MDGA2: variants seen among roughly 807,000 people sequenced by gnomAD.
MDGA2 encodes the protein MAM domain containing glycosylphosphatidylinositol anchor 2, also known as MAM domain-containing glycosylphosphatidylinositol anchor protein 2.
In MDGA2, 40 loss-of-function variants were observed where a neutral mutation model predicts 117.8. The ratio of observed to expected loss-of-function variants is 0.34; its 90% confidence interval spans 0.26 to 0.44. The LOEUF is 0.44. MDGA2 is among the 20% of genes least tolerant of loss of function. The probability of loss-of-function intolerance (pLI) is 1.00; values close to 1 mark genes in which losing one functional copy is unlikely to be tolerated. For missense variants in MDGA2, 1,123 were observed against 1,250.6 expected (o/e 0.90, Z 1.54); for synonymous variants, 452 against 439.0 (o/e 1.03, Z -0.37).
chr14:47,198,903 C>T (rs80332456), intron 3 of MDGA2, among the ~76,000 whole-genome samples: 8,948 of 152,006 alleles, frequency 0.059, 362 homozygotes, highest in Middle Eastern at 0.089. Context: ...AATCAATAAA[C>T]GCTGAATAAA....
intron 1 of MDGA2, among the ~76,000 whole-genome samples, chr14:47,352,257 AC>A (rs1247018968): frequency 2.0e-5 from 3 of 152,122 alleles, no homozygotes; most frequent in Admixed American, 2.0e-4. Context: ...CTCATCGGTT[AC>A]CTATCTCAGC....
At chr14:47,375,635 C>T (rs778287166) in intron 1 of MDGA2, among the ~76,000 whole-genome samples, 2 of 152,024 alleles carry the variant, frequency 1.3e-5, no homozygotes, top group Non-Finnish European at 2.9e-5. Flanking sequence ...ACATCTTACT[C>T]GTCCAATCCT....
rs189317624 is a variant in MDGA2, at chr14:46,868,802, T to A, written c.2752+4631A>T. Among the ~76,000 whole-genome samples the A allele has an allele frequency of 3.5e-3, 533 of 152,078 alleles. 5 individuals carry two copies. Among genetic ancestry groups the A allele is most frequent in the African/African-American group, 0.012 (509 of 41,516 alleles). On this transcript the variant is annotated intron_variant, in intron 14 of 16. Transcript: ENST00000399232. Reference sequence around the variant, plus strand: ...CATTTACCACTCTCCTAAAGCTATCTCCTCTTTGAACATGTACCTCTGTAT... The same window carrying A: ...CATTTACCACTCTCCTAAAGCTATCACCTCTTTGAACATGTACCTCTGTAT...
chr14:47,670,662 G>A (rs1024472551), intron 1 of MDGA2, among the ~76,000 whole-genome samples: 10 of 152,052 alleles, frequency 6.6e-5, no homozygotes, highest in African/African-American at 2.2e-4. Flanking sequence ...AAGCTACATC[G>A]ATTAGTTATC....
At chr14:47,462,218 T>C (rs1421235115) in intron 1 of MDGA2, among the ~76,000 whole-genome samples, 2 of 151,344 alleles carry the variant, frequency 1.3e-5, no homozygotes, top group South Asian at 2.1e-4. Context: ...CTACTAAAAA[T>C]ACAAAAAATT....
intron 9 of MDGA2, among the ~76,000 whole-genome samples, chr14:46,946,585 G>C (rs1885178804): frequency 6.6e-6 from 1 of 151,994 alleles, no homozygotes; most frequent in African/African-American, 2.4e-5. Flanking sequence ...ACTGATGTTT[G>C]CTCCTATGGA....
At chr14:47,539,774 T>A (rs1895298934) in intron 1 of MDGA2, among the ~76,000 whole-genome samples, 1 of 152,208 alleles carries the variant, frequency 6.6e-6, no homozygotes, top group African/African-American at 2.4e-5. Context: ...GCCTAATATT[T>A]ACAGTTATAT....
rs139867820 is a variant in MDGA2, at chr14:46,946,441, A to C, written c.2089+10933T>G. Among the ~76,000 whole-genome samples, 1,064 of 152,182 alleles carry C rather than the reference A, an allele frequency of 7.0e-3. 11 individuals carry two copies. The highest frequency in any genetic ancestry group is 0.024 in the African/African-American group (1,000 of 41,528). On this transcript the variant is annotated intron_variant, in intron 9 of 16. Coordinates refer to ENST00000399232, the MANE Select transcript of MDGA2 (RefSeq NM_001113498.3). ...AGGTTTCTGTACTTTGAAATGAATG[A>C]ATGCATTTGCTTGTGAACTGATATT...
At chr14:47,646,034 C>T (rs1158883110) in intron 1 of MDGA2, among the ~76,000 whole-genome samples, 3 of 147,554 alleles carry the variant, frequency 2.0e-5, no homozygotes, top group Non-Finnish European at 4.4e-5. Flanking sequence ...GAGCTGAGAT[C>T]CCGCCACTGC....
At chr14:47,603,490 C>A (rs1351249915) in intron 1 of MDGA2, among the ~76,000 whole-genome samples, 2 of 152,126 alleles carry the variant, frequency 1.3e-5, no homozygotes, top group East Asian at 3.9e-4. Flanking sequence ...CCCGGTCATT[C>A]CACCGAACTA....
intron 8 of MDGA2, among the ~76,000 whole-genome samples, chr14:46,995,820 G>A (rs928363654): frequency 3.8e-4 from 57 of 151,062 alleles, no homozygotes; most frequent in Non-Finnish European, 5.6e-4. Flanking sequence ...TTTCTTATTC[G>A]TCTAACAGGA....
At chr14:47,587,790 A>G (rs1014272598) in intron 1 of MDGA2, among the ~76,000 whole-genome samples, 7 of 151,940 alleles carry the variant, frequency 4.6e-5, no homozygotes, top group African/African-American at 1.7e-4. Flanking sequence ...ATATTCGCAG[A>G]ATTCTGCATC....
chr14:47,634,401 TATTA>T (rs1179725099), intron 1 of MDGA2, among the ~76,000 whole-genome samples: 1 of 152,074 alleles, frequency 6.6e-6, no homozygotes, highest in Non-Finnish European at 1.5e-5. Context: ...ACAAATAATT[TATTA>T]GTTGTATAAC....
rs756059967 is a variant in MDGA2, at chr14:46,957,641, G to A, written c.1822C>T (p.Pro608Ser). Residue 608 changes from proline to serine, a missense_variant and splice_region_variant, in exon 9 of 17, where the codon CCC (proline) becomes TCC (serine). Pro to Ser is a moderately conservative substitution (Grantham distance 74). Around this residue, in one of 2 missense-constraint regions of MDGA2, gnomAD observed 890 missense variants for 1,050.3 expected, o/e 0.85. Coordinates refer to ENST00000399232, the MANE Select transcript of MDGA2 (RefSeq NM_001113498.3). ...EALVQLIVQYPPAVEPAFLEI... is the reference protein window; with the variant it reads ...EALVQLIVQYSPAVEPAFLEI... Reference sequence around the variant, plus strand: ...AAGAATGCTGGTTCCACTGCAGGGGGATCTGTAGAAAAGATATGTAAAAAC... The same window carrying A: ...AAGAATGCTGGTTCCACTGCAGGGGAATCTGTAGAAAAGATATGTAAAAAC... 35 of 1,613,872 alleles carry A rather than the reference G, an allele frequency of 2.2e-5. No homozygotes were observed. In the South Asian group the frequency reaches 2.9e-4, roughly 13 times the overall value.
intron 1 of MDGA2, among the ~76,000 whole-genome samples, chr14:47,645,952 C>T (rs577325017): frequency 1.7e-4 from 26 of 151,792 alleles, no homozygotes; most frequent in African/African-American, 6.0e-4. Flanking sequence ...TGGTGGCAGG[C>T]TCCTGTAGTC....
intron 1 of MDGA2, among the ~76,000 whole-genome samples, chr14:47,515,052 T>G (rs1455655194): frequency 6.6e-6 from 1 of 152,204 alleles, no homozygotes; most frequent in Non-Finnish European, 1.5e-5. Flanking sequence ...TTATAAACTT[T>G]ACTGAATAAA....
intron 1 of MDGA2, among the ~76,000 whole-genome samples, chr14:47,346,872 C>G (rs1402490633): frequency 6.6e-6 from 1 of 151,992 alleles, no homozygotes; most frequent in African/African-American, 2.4e-5. Context: ...CAGGCAATTA[C>G]AAAGCAGTAA....
chr14:47,328,023 C>T lies in MDGA2; in HGVS notation c.281-26473G>A, dbSNP rs183273789. Among the ~76,000 whole-genome samples, 392 of 152,180 alleles carry T rather than the reference C, an allele frequency of 2.6e-3. 3 individuals carry two copies. The highest frequency in any genetic ancestry group is 6.8e-3 in the Middle Eastern group (2 of 294). On this transcript the variant is annotated intron_variant, in intron 1 of 16. Coordinates refer to ENST00000399232, the MANE Select transcript of MDGA2 (RefSeq NM_001113498.3). ...CTTACACATTTTCTTTGTGTAATGT[C>T]GAGTAATGTACTATTACACATTGTG...
chr14:47,219,429 A>C (rs1449775729), intron 2 of MDGA2, among the ~76,000 whole-genome samples: 2 of 152,056 alleles, frequency 1.3e-5, no homozygotes, highest in African/African-American at 2.4e-5. Context: ...CAAATCTTCT[A>C]TATATATGGA....
Sources: gnomAD v4.1 joint callset for allele counts (sites outside exome capture counted in the v4.1 genomes callset) on GRCh38, gnomAD v4.1.1 for gene constraint, gnomAD v4.1.1 regional missense constraint, MANE v1.5 for transcripts, NCBI Gene and HGNC (gene_info 2026-07-23, HGNC 2026-07-21) for gene names.